Variants in ZNF83 observed in about 807,000 individuals in gnomAD.
ZNF83 encodes zinc finger protein 83.
For missense variants in ZNF83, 552 were observed against 629.9 expected (o/e 0.88, Z 1.32); for synonymous variants, 209 against 213.0 (o/e 0.98, Z 0.17).
intron 2 of ZNF83, among the ~76,000 whole-genome samples, chr19:52,634,008 G>A (rs2061060380): frequency 2.0e-5 from 3 of 151,754 alleles, no homozygotes; most frequent in Admixed American, 6.6e-5. Flanking sequence ...CGTGGCTCGC[G>A]CCTGTAATCA....
intron 2 of ZNF83, among the ~76,000 whole-genome samples, chr19:52,659,973 A>C (rs1360112656): frequency 6.6e-6 from 1 of 152,100 alleles, no homozygotes; most frequent in Non-Finnish European, 1.5e-5. Context: ...CGGGCAGATC[A>C]TGAGGTCAGG....
chr19:52,687,116 G>C (rs2062029327), intron 1 of ZNF83, among the ~76,000 whole-genome samples: 1 of 150,426 alleles, frequency 6.6e-6, no homozygotes, highest in South Asian at 2.1e-4. Context: ...AGAAAGCAGA[G>C]GTTGCACTAA....
chr19:52,669,739 C>T (rs1285852479), intron 1 of ZNF83, among the ~76,000 whole-genome samples: 2 of 152,134 alleles, frequency 1.3e-5, no homozygotes, highest in South Asian at 4.1e-4. Flanking sequence ...ATTCTTACTT[C>T]CCTCACAGCC....
chr19:52,672,268 A>G (rs1319578435), intron 1 of ZNF83, among the ~76,000 whole-genome samples: 1 of 152,202 alleles, frequency 6.6e-6, no homozygotes, highest in Non-Finnish European at 1.5e-5. Context: ...TGAAATTATA[A>G]ATCACCTCAT....
intron 1 of ZNF83, among the ~76,000 whole-genome samples, chr19:52,674,015 CAAAAA>C (rs67570337): frequency 6.6e-4 from 48 of 73,042 alleles, no homozygotes; most frequent in African/African-American, 2.5e-3. Flanking sequence ...GACTCCATCT[CAAAAA>C]AAAAAAAAAA....
intron 2 of ZNF83, among the ~76,000 whole-genome samples, chr19:52,632,947 C>T (rs1288646279): frequency 2.6e-5 from 4 of 152,178 alleles, no homozygotes; most frequent in African/African-American, 9.7e-5. Context: ...AGAGAAACAT[C>T]GTCCATTCTC....
intron 1 of ZNF83, among the ~76,000 whole-genome samples, chr19:52,674,492 T>G (rs1455201168): frequency 6.6e-6 from 1 of 152,182 alleles, no homozygotes; most frequent in African/African-American, 2.4e-5. Context: ...ATTTTATTTG[T>G]TTGTAGATGA....
chr19:52,653,706 G>A (rs188654476), intron 3 of ZNF83, among the ~76,000 whole-genome samples: 4 of 152,290 alleles, frequency 2.6e-5, no homozygotes, highest in East Asian at 3.9e-4. Context: ...ACTTGTGACC[G>A]AAGGTCTTGG....
chr19:52,631,530 C>G (rs958065399), intron 2 of ZNF83, among the ~76,000 whole-genome samples: 2 of 152,154 alleles, frequency 1.3e-5, no homozygotes, highest in African/African-American at 2.4e-5. Context: ...TTCCTCATAC[C>G]TGATGCATAT....
chr19:52,642,219 T>C (rs2061315949), upstream of ZNF83, among the ~76,000 whole-genome samples: 1 of 145,332 alleles, frequency 6.9e-6, no homozygotes, highest in Admixed American at 7.0e-5. Flanking sequence ...TATTTTAGGG[T>C]GAAGAGCTTG....
At chr19:52,645,807 C>G (rs1568560794) in intron 3 of ZNF83, among the ~76,000 whole-genome samples, 1 of 149,026 alleles carries the variant, frequency 6.7e-6, no homozygotes, top group East Asian at 2.0e-4. Flanking sequence ...ATTCTGCCCC[C>G]CCCCAAAAAA....
At chr19:52,680,349 C>G (rs1358608888) in intron 1 of ZNF83, among the ~76,000 whole-genome samples, 1 of 152,108 alleles carries the variant, frequency 6.6e-6, no homozygotes, top group Non-Finnish European at 1.5e-5. Flanking sequence ...GTATAAAGCC[C>G]TCTGCGCAGG....
intron 2 of ZNF83, among the ~76,000 whole-genome samples, chr19:52,618,307 T>C (rs185320771): frequency 2.6e-3 from 394 of 151,836 alleles, no homozygotes; most frequent in Non-Finnish European, 4.3e-3. Context: ...TCTCCCAGGC[T>C]AGAGTGCAGT....
intron 2 of ZNF83, among the ~76,000 whole-genome samples, chr19:52,632,978 AT>A (rs894330285): frequency 9.9e-5 from 15 of 151,790 alleles, no homozygotes; most frequent in African/African-American, 3.6e-4. Flanking sequence ...ACCCCCAAAA[AT>A]TTTCACCGTC....
rs17855778 is a variant in ZNF83, at chr19:52,613,558, C to T, written c.1007G>A (p.Trp336Ter). Reference sequence around the variant, plus strand: ...AGGTTTCTCTCCAGTGTGGATTCTCCAGTGATTTACTAGGGATGACTTGTG... The same window carrying T: ...AGGTTTCTCTCCAGTGTGGATTCTCTAGTGATTTACTAGGGATGACTTGTG... Residue 336 changes from tryptophan (W) to a stop codon, truncating the protein, a stop_gained, in exon 3 of 3, where the codon TGG becomes TAG. Transcript: ENST00000301096. LOFTEE classifies it low-confidence loss of function (END_TRUNC). 3.2e-3 allele frequency: 5,109 copies of T among 1,612,898 alleles called. 166 individuals are homozygous for T. In the African/African-American group the frequency reaches 0.058, roughly 18 times the overall value.
intron 2 of ZNF83, among the ~76,000 whole-genome samples, chr19:52,619,724 A>G (rs75427366): frequency 0.093 from 14,203 of 152,086 alleles, 1,440 homozygotes; most frequent in East Asian, 0.48. Flanking sequence ...AAAGATGACA[A>G]CGTCCACAGT....
intron 2 of ZNF83, among the ~76,000 whole-genome samples, chr19:52,627,201 C>G (rs1199602235): frequency 6.6e-6 from 1 of 151,498 alleles, no homozygotes; most frequent in Non-Finnish European, 1.5e-5. Context: ...CCCACCCCAT[C>G]TCCTTTTGCT....
Position 52,630,188 on chromosome 19 carries a change from G to T in ZNF83, c.-234+4878C>A, listed in dbSNP as rs548543128. Among the ~76,000 whole-genome samples, 284 of 152,262 alleles carry T rather than the reference G, an allele frequency of 1.9e-3. 1 individual carries two copies. The highest frequency in any genetic ancestry group is 3.5e-3 in the Non-Finnish European group (239 of 68,012). On this transcript the variant is annotated intron_variant, in intron 2 of 2. Coordinates refer to ENST00000301096, the Ensembl canonical transcript of ZNF83. ...CAACCACTCCCAGAGCCCCTGGAAC[G>T]CTGGCCCATGGCTCTCTGACTGACT... is the stretch of plus-strand genomic sequence containing the variant.
At chr19:52,644,333 C>T (rs764549067) in intron 3 of ZNF83, among the ~76,000 whole-genome samples, 10 of 152,120 alleles carry the variant, frequency 6.6e-5, no homozygotes, top group South Asian at 2.1e-4. Context: ...TGAGCTTTTC[C>T]GGTCTAGCCC....
Sources: gnomAD v4.1 joint callset for allele counts (sites outside exome capture counted in the v4.1 genomes callset) on GRCh38, gnomAD v4.1.1 for gene constraint, MANE v1.5 for transcripts, NCBI Gene and HGNC (gene_info 2026-07-23, HGNC 2026-07-21) for gene names.